IGSF5: variants seen among roughly 807,000 people sequenced by gnomAD.
IGSF5 encodes immunoglobulin superfamily 5 like.
In IGSF5, 41 loss-of-function variants were observed where a neutral mutation model predicts 39.4. The observed-to-expected ratio is 1.04, with a 90% CI of 0.81 to 1.35. The LOEUF (loss-of-function observed/expected upper bound fraction) is 1.35. IGSF5 is among the 40% of genes most tolerant of loss of function. IGSF5 has a pLI of 0.00. For synonymous variants in IGSF5, 183 were observed against 175.3 expected, an observed-to-expected ratio of 1.04 and a Z score of -0.34; for missense variants, 487 against 494.6, an observed-to-expected ratio of 0.98 and a Z score of 0.15.
intron 6 of IGSF5, among the ~76,000 whole-genome samples, chr21:39,789,305 A>G (rs2086946516): frequency 1.3e-5 from 2 of 152,204 alleles, no homozygotes; most frequent in South Asian, 4.1e-4. Context: ...AGAATATGAC[A>G]CTGGGAGCAT....
Position 39,779,162 on chromosome 21 carries a change from G to T in IGSF5, c.791G>T (p.Trp264Leu), listed in dbSNP as rs763627176. 6.2e-6 allele frequency: 10 copies of T among 1,614,058 alleles called. No individual in the cohort carries two copies. The highest frequency in any genetic ancestry group is 7.6e-6 in the Non-Finnish European group (9 of 1,179,976). ...LPSLGFSLPT[W>L]GKVGLGLAGT... ...AGTTTAGGTTTTTCATTGCCTACTT[G>T]GGGCAAAGTTGGACTTGGACTAGCA... The change falls in exon 5 of 9, where the codon TGG (tryptophan) becomes TTG (leucine). Residue 264 changes from tryptophan (W) to leucine (L), a missense_variant. Transcript: ENST00000380588.
At chr21:39,734,083 A>G in the IGSF5 span, among the ~76,000 whole-genome samples, 13 of 152,300 alleles carry the variant, frequency 8.5e-5, no homozygotes, top group African/African-American at 2.9e-4. Flanking sequence ...ATGAAGTGAA[A>G]AAATAGATTT....
Position 39,761,707 on chromosome 21 carries a change from C to T in IGSF5, c.101-3828C>T, listed in dbSNP as rs538417096. Among the ~76,000 whole-genome samples the T allele has an allele frequency of 1.4e-4, 21 of 152,242 alleles. No individual in the cohort carries two copies. In the East Asian group the frequency reaches 3.1e-3, roughly 22 times the overall value. On this transcript the variant is annotated intron_variant, in intron 2 of 8. Coordinates refer to ENST00000380588, the MANE Select transcript of IGSF5 (RefSeq NM_001080444.2). ...TTTTTGAGACAGAGTCTTGCTCTGT[C>T]GCCCAGGCTGGAGTTTAGTGGTGTA...
At chr21:39,790,756 G>T (rs1217978426) in intron 6 of IGSF5, among the ~76,000 whole-genome samples, 1 of 152,110 alleles carries the variant, frequency 6.6e-6, no homozygotes, top group Non-Finnish European at 1.5e-5. Flanking sequence ...TGGTTCTGTG[G>T]GGAAATACAG....
chr21:39,762,286 C>T (rs2080065312), intron 2 of IGSF5, among the ~76,000 whole-genome samples: 1 of 152,086 alleles, frequency 6.6e-6, no homozygotes, highest in African/African-American at 2.4e-5. Flanking sequence ...GGACAGTGCC[C>T]AAGGTGATCA....
At chr21:39,799,212 T>TGCC (rs1006563843) in intron 8 of IGSF5, among the ~76,000 whole-genome samples, 5 of 152,210 alleles carry the variant, frequency 3.3e-5, no homozygotes, top group African/African-American at 4.8e-5. Context: ...TCCTTGTTCT[T>TGCC]GCCACCACCT....
intron 2 of IGSF5, among the ~76,000 whole-genome samples, chr21:39,756,862 A>G (rs991125520): frequency 6.6e-6 from 1 of 152,066 alleles, no homozygotes; most frequent in Non-Finnish European, 1.5e-5. Flanking sequence ...ATCAAAGAAC[A>G]AAGGGGGTTG....
chr21:39,781,520 C>T (rs902303031), intron 5 of IGSF5, among the ~76,000 whole-genome samples: 5 of 152,138 alleles, frequency 3.3e-5, no homozygotes, highest in African/African-American at 7.2e-5. Context: ...TCAAAAGCTA[C>T]GTGTGTATGT....
chr21:39,737,585 C>T, the IGSF5 span, among the ~76,000 whole-genome samples: 5 of 152,162 alleles, frequency 3.3e-5, no homozygotes, highest in South Asian at 4.2e-4. Context: ...TTATGTTTAC[C>T]GGCTTATGAT....
intron 5 of IGSF5, among the ~76,000 whole-genome samples, chr21:39,783,744 T>C (rs2080183446): frequency 6.6e-6 from 1 of 152,206 alleles, no homozygotes; most frequent in Non-Finnish European, 1.5e-5. Flanking sequence ...TTTGTCTATT[T>C]TTATTTTTGT....
At chr21:39,721,554 A>G in the IGSF5 span, among the ~76,000 whole-genome samples, 3 of 152,144 alleles carry the variant, frequency 2.0e-5, no homozygotes, top group Non-Finnish European at 4.4e-5. Flanking sequence ...TTTTACTTCA[A>G]ATCAAATTAA....
chr21:39,772,153 C>G (rs1326945226), intron 4 of IGSF5, among the ~76,000 whole-genome samples: 3 of 152,238 alleles, frequency 2.0e-5, no homozygotes, highest in Non-Finnish European at 4.4e-5. Flanking sequence ...GAGCACTTCT[C>G]AGGTATTCAC....
chr21:39,773,658 A>G (rs1229701407), intron 4 of IGSF5, among the ~76,000 whole-genome samples: 2 of 152,128 alleles, frequency 1.3e-5, no homozygotes, highest in Non-Finnish European at 2.9e-5. Flanking sequence ...CTGGACCAGT[A>G]AGGTGTTCCA....
intron 2 of IGSF5, among the ~76,000 whole-genome samples, chr21:39,758,146 G>T (rs181155643): frequency 1.6e-4 from 25 of 152,294 alleles, no homozygotes; most frequent in Non-Finnish European, 3.4e-4. Context: ...CCTGAGCTTG[G>T]TGGGCTGTTC....
At chr21:39,758,106 T>C (rs1206759958) in intron 2 of IGSF5, among the ~76,000 whole-genome samples, 5 of 152,148 alleles carry the variant, frequency 3.3e-5, no homozygotes, top group African/African-American at 7.2e-5. Flanking sequence ...CTGTCCTGAC[T>C]GTGCTGGTCG....
the IGSF5 span, among the ~76,000 whole-genome samples, chr21:39,713,267 C>G: frequency 6.6e-6 from 1 of 152,164 alleles, no homozygotes; most frequent in African/African-American, 2.4e-5. Flanking sequence ...CTTACAAGTG[C>G]CTTCTGGCCC....
chr21:39,738,042 T>C, the IGSF5 span, among the ~76,000 whole-genome samples: 4 of 152,208 alleles, frequency 2.6e-5, no homozygotes, highest in Non-Finnish European at 5.9e-5. The surrounding 1 kb of genome is among the most constrained non-coding windows in gnomAD (Gnocchi z 6.4). Context: ...TGTGTGTATA[T>C]ATCTATGTCA....
the IGSF5 span, among the ~76,000 whole-genome samples, chr21:39,712,927 G>A: frequency 1.3e-5 from 2 of 152,166 alleles, no homozygotes; most frequent in South Asian, 2.1e-4. Flanking sequence ...GAATCTATAT[G>A]TGTTTTAACC....
Position 39,765,573 on chromosome 21 carries a change from A to G in IGSF5, c.139A>G (p.Asn47Asp). Reference sequence around the variant, plus strand: ...TAATGAAGTCATAGAAGGCCCCCAAAATGCAAGAGTCCTGAAGGGCTCCCA... The same window carrying G: ...TAATGAAGTCATAGAAGGCCCCCAAGATGCAAGAGTCCTGAAGGGCTCCCA... ...SGNEVIEGPQ[N>D]ARVLKGSQAR... Residue 47 changes from asparagine (N) to aspartate (D), a missense_variant, in exon 3 of 9, where the codon AAT becomes GAT. Transcript: ENST00000380588. 6.2e-7 allele frequency: 1 copy of G among 1,614,032 alleles called. No individual in the cohort carries two copies. The highest frequency in any genetic ancestry group is 8.5e-7 in the Non-Finnish European group (1 of 1,179,926).
Sources: allele counts gnomAD v4.1 joint callset (sites outside exome capture counted in the v4.1 genomes callset), GRCh38; gene constraint gnomAD v4.1.1; non-coding constraint Gnocchi (gnomAD v3.1); transcripts MANE v1.5; gene names NCBI Gene and HGNC (gene_info 2026-07-23, HGNC 2026-07-21).